Variants in DHX8 observed in about 807,000 individuals in gnomAD.
DHX8 encodes the protein ATP-dependent RNA helicase DHX8.
A neutral mutation model predicts 140.7 loss-of-function variants in DHX8; 67 were observed. The ratio of observed to expected loss-of-function variants is 0.48; its 90% CI spans 0.39 to 0.58. The LOEUF (loss-of-function observed/expected upper bound fraction) is 0.58. Ranked by LOEUF, DHX8 falls within the 20% of genes least tolerant of loss-of-function variation. The pLI, the probability that DHX8 is intolerant of heterozygous loss-of-function variation, is 0.00. For synonymous variants in DHX8, 533 were observed against 553.2 expected (o/e 0.96, Z 0.51); for missense variants, 887 against 1,550.7 (o/e 0.57, Z 7.19).
In DHX8 at chr17:43,498,936, A is replaced by G; in HGVS notation, c.1375A>G (p.Met459Val). Residue 459 changes from methionine to valine, a missense_variant, in exon 10 of 23, where the codon ATG (methionine) becomes GTG (valine). Met to Val is a conservative substitution (Grantham distance 21). Coordinates refer to ENST00000262415, the MANE Select transcript of DHX8 (RefSeq NM_004941.3). The part of the protein sequence containing the change: ...LRGHTKQSMD[M>V]SPIKIVKNPD... ...AGGGCACACTAAGCAAAGCATGGAC[A>G]TGAGCCCCATTAAAATTGTCAAGGT... 6.3e-7 allele frequency: 1 copy of G among 1,581,764 alleles called. No individual in the cohort carries two copies. The highest frequency in any genetic ancestry group is 8.5e-7 in the Non-Finnish European group (1 of 1,170,566).
rs937437661 is a variant in DHX8, at chr17:43,525,439, A to C, written c.*1592A>C. ...ATAGGCCAGGCAATCTGCTGGCTGCAGATCCCTGCCCCTTCATTAAGCTGA... is the reference window on the plus strand; with the variant it reads ...ATAGGCCAGGCAATCTGCTGGCTGCCGATCCCTGCCCCTTCATTAAGCTGA... On this transcript the variant is annotated 3_prime_UTR_variant, in exon 23 of 23. Coordinates refer to ENST00000262415, the MANE Select transcript of DHX8 (RefSeq NM_004941.3). 1.0e-6 allele frequency: 1 copy of C among 984,274 alleles called. No individual in the cohort carries two copies. The highest frequency in any genetic ancestry group is 1.2e-6 in the Non-Finnish European group (1 of 828,868). 61.0% of individuals were successfully genotyped at this position (984,274 alleles called of 1,614,324 possible).
Position 43,489,525 on chromosome 17 carries a change from A to C in DHX8, c.225A>C (p.Ala75=), listed in dbSNP as rs1470539696. The change falls in exon 2 of 23, where the codon GCA becomes GCC. Residue 75 remains alanine (A), a synonymous_variant. Coordinates refer to ENST00000262415, the MANE Select transcript of DHX8 (RefSeq NM_004941.3). ...TFKASLVKNG[A]EFTDSLISNL... is the part of the protein sequence containing the mutation. ...AGGCTTCTCTCGTCAAAAATGGTGC[A>C]GAATTTACGGTATGTATATGTGGAG... The C allele has an allele frequency of 6.3e-7, 1 of 1,598,152 alleles. No homozygotes were observed. Among genetic ancestry groups the C allele is most frequent in the Admixed American group, 1.7e-5 (1 of 59,832 alleles).
chr17:43,529,676 C>A, downstream of DHX8: 1 of 1,605,774 alleles, frequency 6.2e-7, no homozygotes, highest in South Asian at 1.1e-5. Flanking sequence ...CTTGATGTCT[C>A]CTGGGGAACA....
chr17:43,533,982 G>T (rs1458886043), intron 2 of DHX8: 3 of 1,528,472 alleles, frequency 2.0e-6, no homozygotes, highest in Non-Finnish European at 2.6e-6. Context: ...GCTGTGGAAA[G>T]CTACTGTGGG....
chr17:43,532,243 TAATCA>T (rs1489000163), intron 2 of DHX8, among the ~76,000 whole-genome samples: 1 of 152,208 alleles, frequency 6.6e-6, no homozygotes, highest in African/African-American at 2.4e-5. Flanking sequence ...CTCATGTCTA[TAATCA>T]CAGCACTTTG....
chr17:43,489,013 G>T (rs1348539745), intron 1 of DHX8, among the ~76,000 whole-genome samples: 5 of 149,516 alleles, frequency 3.3e-5, no homozygotes, highest in African/African-American at 9.8e-5. Flanking sequence ...TGTTTTTTTT[G>T]TTTTTTTTTG....
At chr17:43,503,484 C>T (rs1265492349) in intron 11 of DHX8, among the ~76,000 whole-genome samples, 1 of 148,220 alleles carries the variant, frequency 6.7e-6, no homozygotes, top group Non-Finnish European at 1.5e-5. Context: ...ACAACAATTG[C>T]GAAACTCCAT....
chr17:43,542,162 C>G (rs372042952), intron 3 of DHX8, among the ~76,000 whole-genome samples: 1 of 152,082 alleles, frequency 6.6e-6, no homozygotes, highest in Non-Finnish European at 1.5e-5. Flanking sequence ...AAAAGGGGAG[C>G]GCAGATCGAT....
intron 16 of DHX8, among the ~76,000 whole-genome samples, chr17:43,511,183 A>T (rs566973808): frequency 2.4e-4 from 36 of 152,250 alleles, no homozygotes; most frequent in African/African-American, 8.2e-4. Context: ...TACAAAAATT[A>T]GCCAGGCGTG....
chr17:43,536,453 AC>A lies in DHX8; in HGVS notation c.393del (p.Cys132AlafsTer28). The A allele has an allele frequency of 6.2e-7, 1 of 1,614,214 alleles. No individual in the cohort carries two copies. The highest frequency in any genetic ancestry group is 8.5e-7 in the Non-Finnish European group (1 of 1,180,046). On this transcript the variant is annotated frameshift_variant, in exon 3 of 4. Transcript: ENST00000589898. LOFTEE classifies it high-confidence loss of function. ...TTTTCTGAATGGAAATCAGGAACAA[AC>A]TGCTCATCACTGTCTGGTACCTGAG...
chr17:43,521,269 G>A (rs763311070), intron 20 of DHX8, 100 bp from the exon 21 acceptor site: 115 of 979,416 alleles, frequency 1.2e-4, no homozygotes, highest in Non-Finnish European at 1.6e-4. Context: ...AGCCTGATGT[G>A]GACACTTTTG....
At chr17:43,513,840 A>C (rs1969975646) in intron 17 of DHX8, among the ~76,000 whole-genome samples, 1 of 150,826 alleles carries the variant, frequency 6.6e-6, no homozygotes, top group South Asian at 2.1e-4. Context: ...TAGCCTCCCA[A>C]GTAGCTGGGA....
In DHX8 at chr17:43,536,520, G is replaced by C. The variant is rs751848803; in HGVS notation, c.*20+22G>C. On this transcript the variant is annotated intron_variant, in intron 3 of 3. Transcript: ENST00000589898. ...AGAGGTGAGTTTGGGGCGGAGCCCT[G>C]GTTGTCCCCTGGGAGGCTCCATTAT... is the stretch of plus-strand genomic sequence containing the variant. 4.4e-6 allele frequency: 7 copies of C among 1,595,740 alleles called. No homozygotes were observed. In the African/African-American group the frequency reaches 8.0e-5, roughly 18 times the overall value.
chr17:43,524,371 T>A lies in DHX8; in HGVS notation c.*524T>A, dbSNP rs938035496. ...TAGCCGAAAGGTTAGGATATTGGCC[T>A]GGGCTCAGGGTGAGGGAGATTTAGT... is the stretch of plus-strand genomic sequence containing the variant. On this transcript the variant is annotated 3_prime_UTR_variant, in exon 23 of 23. Transcript: ENST00000262415. The A allele has an allele frequency of 1.0e-6, 1 of 996,400 alleles. No homozygotes were observed. Among genetic ancestry groups the A allele is most frequent in the African/African-American group, 1.7e-5 (1 of 57,372 alleles). 61.7% of individuals were successfully genotyped at this position (996,400 alleles called of 1,614,324 possible).
At chr17:43,517,854 C>G (rs1970190147) in intron 18 of DHX8, 1 of 152,630 alleles carries the variant, frequency 6.6e-6, no homozygotes, top group African/African-American at 2.4e-5. Flanking sequence ...GAGTAATTTC[C>G]CAGCTGATGG....
rs182402380 is a variant in DHX8, at chr17:43,521,488, C to T, written c.3186C>T (p.Cys1062=). The T allele has an allele frequency of 6.2e-7, 1 of 1,613,920 alleles. No homozygotes were observed. The highest frequency in any genetic ancestry group is 2.2e-5 in the East Asian group (1 of 44,828). Residue 1062 remains cysteine, a synonymous_variant, in exon 21 of 23, where the codon TGC becomes TGT. Coordinates refer to ENST00000262415, the MANE Select transcript of DHX8 (RefSeq NM_004941.3). ...WKNNKFSNPW[C]YENFIQARSL... ...ACAACAAGTTCTCCAACCCATGGTG[C>T]TATGAGAACTTTATCCAGGCTCGTT...
intron 3 of DHX8, among the ~76,000 whole-genome samples, chr17:43,543,276 A>T (rs4793258): frequency 8.2e-4 from 114 of 138,216 alleles, no homozygotes; most frequent in Middle Eastern, 3.6e-3. Flanking sequence ...ACACACACAC[A>T]CTCTCTCTCT....
chr17:43,537,588 C>A (rs1012572298), intron 3 of DHX8, among the ~76,000 whole-genome samples: 1 of 150,758 alleles, frequency 6.6e-6, no homozygotes, highest in African/African-American at 2.4e-5. Context: ...CCCAGCTACT[C>A]GGAAGGCTGA....
intron 17 of DHX8, 68 bp downstream of exon 17, chr17:43,513,570 G>T (rs1969957522): frequency 2.0e-6 from 3 of 1,515,744 alleles, no homozygotes; most frequent in Admixed American, 2.1e-5. Context: ...CTTTTTTATG[G>T]TTATATATTT....
Sources: gnomAD v4.1 joint callset for allele counts (sites outside exome capture counted in the v4.1 genomes callset) on GRCh38, gnomAD v4.1.1 for gene constraint, MANE v1.5 for transcripts, NCBI Gene and HGNC (gene_info 2026-07-23, HGNC 2026-07-21) for gene names.